POFUT3: variants seen among roughly 807,000 people sequenced by gnomAD.
POFUT3 encodes protein O-fucosyltransferase 3.
At chr8:33,384,006 GACAGTAGTTCCAACTGCA>G in the POFUT3 span, among the ~76,000 whole-genome samples, 111 of 151,464 alleles carry the variant, frequency 7.3e-4, 1 homozygote, top group African/African-American at 2.6e-3. Flanking sequence ...AACTTAACCT[GACAGTAGTTCCAACTGCA>G]GCTGCCTTGC....
At chr8:33,420,960 A>T in the POFUT3 span, among the ~76,000 whole-genome samples, 5 of 151,828 alleles carry the variant, frequency 3.3e-5, 1 homozygote, top group South Asian at 2.1e-4. Context: ...AAAAAGAAAA[A>T]ATATATATAT....
the POFUT3 span, among the ~76,000 whole-genome samples, chr8:33,378,972 T>A: frequency 6.6e-6 from 1 of 152,114 alleles, no homozygotes; most frequent in African/African-American, 2.4e-5. Context: ...GGGAGGGAAC[T>A]GGTGGGAAGT....
the POFUT3 span, among the ~76,000 whole-genome samples, chr8:33,352,208 A>T: frequency 6.6e-6 from 1 of 152,340 alleles, no homozygotes; most frequent in African/African-American, 2.4e-5. Flanking sequence ...TCACACGCTT[A>T]CAAAAAGCCT....
the POFUT3 span, among the ~76,000 whole-genome samples, chr8:33,435,938 C>G: frequency 2.0e-5 from 3 of 151,978 alleles, no homozygotes; most frequent in East Asian, 5.8e-4. Flanking sequence ...AAAAAAGACC[C>G]AGGGGCAGTG....
chr8:33,357,699 G>A, the POFUT3 span, among the ~76,000 whole-genome samples: 1 of 151,630 alleles, frequency 6.6e-6, no homozygotes, highest in African/African-American at 2.4e-5. Context: ...ACATACACGT[G>A]CACATACACA....
At chr8:33,352,405 G>A in the POFUT3 span, among the ~76,000 whole-genome samples, 3 of 152,174 alleles carry the variant, frequency 2.0e-5, no homozygotes, top group Non-Finnish European at 4.4e-5. Flanking sequence ...CATTGCACAG[G>A]CACTTTCTGA....
At chr8:33,444,033 T>C in the POFUT3 span, among the ~76,000 whole-genome samples, 41 of 151,500 alleles carry the variant, frequency 2.7e-4, no homozygotes, top group Non-Finnish European at 4.6e-4. Flanking sequence ...GGCACTGTTC[T>C]AAGCAGTAGG....
the POFUT3 span, among the ~76,000 whole-genome samples, chr8:33,458,327 C>T: frequency 1.6e-4 from 24 of 152,282 alleles, no homozygotes; most frequent in African/African-American, 5.3e-4. Context: ...GTTACAGCAG[C>T]GCTAGCAAAC....
the POFUT3 span, chr8:33,370,762 C>G: frequency 6.6e-6 from 1 of 152,148 alleles, no homozygotes; most frequent in Admixed American, 6.5e-5. Context: ...AATACCTTGC[C>G]AGAGGCATAA....
chr8:33,321,526 T>C, the POFUT3 span, among the ~76,000 whole-genome samples: 3 of 152,244 alleles, frequency 2.0e-5, no homozygotes, highest in Admixed American at 6.5e-5. Context: ...CTCAGGATAG[T>C]TGGACCTCTT....
chr8:33,389,384 G>A, the POFUT3 span: 2 of 1,614,044 alleles, frequency 1.2e-6, no homozygotes, highest in Admixed American at 1.7e-5. Context: ...AAAGCCATCG[G>A]CATCCATAGA....
At chr8:33,309,138 TAAAAAA>T in the POFUT3 span, among the ~76,000 whole-genome samples, 1 of 41,696 alleles carries the variant, frequency 2.4e-5, no homozygotes, top group East Asian at 5.5e-4. Flanking sequence ...CTGGGGAGTG[TAAAAAA>T]AAAAAAAAAA....
At chr8:33,444,879 G>A in the POFUT3 span, among the ~76,000 whole-genome samples, 1 of 149,968 alleles carries the variant, frequency 6.7e-6, no homozygotes, top group African/African-American at 2.5e-5. Flanking sequence ...TTTAAACAAG[G>A]TATCTTATTG....
At chr8:33,446,883 G>A in the POFUT3 span, among the ~76,000 whole-genome samples, 2 of 152,198 alleles carry the variant, frequency 1.3e-5, no homozygotes, top group Non-Finnish European at 2.9e-5. Flanking sequence ...TGACCCTTGA[G>A]AGGCCCTGCC....
the POFUT3 span, among the ~76,000 whole-genome samples, chr8:33,378,346 C>T: frequency 6.6e-6 from 1 of 152,162 alleles, no homozygotes; most frequent in Non-Finnish European, 1.5e-5. Flanking sequence ...AGAAGCAAAA[C>T]TCCTCTTTCT....
At chr8:33,402,088 A>G in the POFUT3 span, among the ~76,000 whole-genome samples, 1 of 152,166 alleles carries the variant, frequency 6.6e-6, no homozygotes, top group Non-Finnish European at 1.5e-5. Context: ...TAGGTGCATT[A>G]TATCCTAAGG....
the POFUT3 span, among the ~76,000 whole-genome samples, chr8:33,314,178 G>T: frequency 6.6e-6 from 1 of 152,006 alleles, no homozygotes; most frequent in Non-Finnish European, 1.5e-5. Flanking sequence ...TGTCCTTTTC[G>T]TCTCTTGCCA....
chr8:33,436,724 TC>T, the POFUT3 span: 1 of 682,100 alleles, frequency 1.5e-6, no homozygotes, highest in Admixed American at 2.3e-5. Context: ...AGCACAGAAA[TC>T]AGCAGGGCCT....
At chr8:33,381,056 G>A in the POFUT3 span, among the ~76,000 whole-genome samples, 4 of 151,994 alleles carry the variant, frequency 2.6e-5, no homozygotes, top group Admixed American at 2.6e-4. Context: ...AGGATCACTT[G>A]AGCCCAGGAA....
Sources: gnomAD v4.1 joint callset for allele counts (sites outside exome capture counted in the v4.1 genomes callset) on GRCh38, gnomAD v4.1.1 for gene constraint, MANE v1.5 for transcripts, NCBI Gene and HGNC (gene_info 2026-07-23, HGNC 2026-07-21) for gene names.